Variants in RPL21 observed in about 807,000 individuals in gnomAD.
RPL21 encodes ribosomal protein L21, also known as large ribosomal subunit protein eL21.
In RPL21, 1 loss-of-function variant was observed where a neutral mutation model predicts 21.2. That is an observed-to-expected ratio of 0.05 (90% confidence interval 0.02 to 0.22). RPL21 has a LOEUF of 0.22. Among genes scored for constraint, RPL21 ranks in the 10% least tolerant of loss-of-function variants. The pLI is 1.00. For missense variants in RPL21, 113 were observed against 199.4 expected (o/e 0.57, Z 2.61); for synonymous variants, 52 against 62.9 (o/e 0.83, Z 0.82).
intron 5 of RPL21, 21 bp from the exon 6 acceptor site, chr13:27,256,415 C>T (rs1026780103): frequency 2.5e-6 from 4 of 1,577,192 alleles, no homozygotes; most frequent in Non-Finnish European, 3.5e-6. Flanking sequence ...TATTTTATTC[C>T]CTTTTTTTTT....
intron 1 of RPL21, among the ~76,000 whole-genome samples, chr13:27,253,196 A>G (rs1294099751): frequency 1.3e-5 from 2 of 152,180 alleles, no homozygotes; most frequent in Non-Finnish European, 2.9e-5. Flanking sequence ...GCCTATGTCA[A>G]ATTTAGGTCA....
intron 1 of RPL21, chr13:27,251,986 T>C (rs1312446987): frequency 6.6e-6 from 1 of 152,260 alleles, no homozygotes; most frequent in African/African-American, 2.4e-5. Context: ...CTCCTTTCAG[T>C]GTGGCTTTTT....
In RPL21 at chr13:27,251,593, C is replaced by G. The variant is rs1216493242; in HGVS notation, c.-13+8C>G. Reference sequence around the variant, plus strand: ...GGAACCGCCATCTTCCAGGTAGGGCCTACGCGTGGCTCCCGGGCGCTAGGT... The same window carrying G: ...GGAACCGCCATCTTCCAGGTAGGGCGTACGCGTGGCTCCCGGGCGCTAGGT... On this transcript the variant is annotated splice_region_variant and intron_variant, in intron 1 of 5. Coordinates refer to ENST00000311549, the MANE Select transcript of RPL21 (RefSeq NM_000982.4). 6.6e-6 allele frequency: 1 copy of G among 152,396 alleles called. No individual in the cohort carries two copies. The highest frequency in any genetic ancestry group is 2.4e-5 in the African/African-American group (1 of 41,492). 9.4% of individuals were successfully genotyped at this position (152,396 alleles called of 1,614,324 possible). A position where few individuals can be genotyped will look rare whatever the true frequency, so the allele number is the denominator to read the frequency against.
At chr13:27,255,876 A>G (rs61943975) in intron 4 of RPL21, 24,696 of 332,836 alleles carry the variant, frequency 0.074, 1,130 homozygotes, top group Admixed American at 0.13. Context: ...CTGGCCCAGC[A>G]GTTTTTATAG....
intron 2 of RPL21, 87 bp from the exon 3 acceptor site, chr13:27,254,131 GAT>G (rs1464634994): frequency 1.4e-5 from 12 of 847,594 alleles, no homozygotes; most frequent in African/African-American, 5.0e-5. Flanking sequence ...CATCAAAAAT[GAT>G]ATATGTGTTA....
chr13:27,254,758 TC>T (rs1252059404), intron 3 of RPL21, among the ~76,000 whole-genome samples: 2 of 152,216 alleles, frequency 1.3e-5, no homozygotes, highest in Non-Finnish European at 2.9e-5. Flanking sequence ...CCTCGGGTGA[TC>T]CGCCGGACTC....
chr13:27,252,064 C>T (rs945725012), intron 1 of RPL21, among the ~76,000 whole-genome samples: 9 of 151,992 alleles, frequency 5.9e-5, no homozygotes, highest in African/African-American at 1.9e-4. Context: ...TAAAGTCAGG[C>T]GTCGGCTTTA....
Position 27,255,079 on chromosome 13 carries a change from G to A in RPL21, c.130-163G>A, listed in dbSNP as rs542802391. The A allele has an allele frequency of 6.5e-6, 5 of 764,364 alleles. No homozygotes were observed. In the Admixed American group the frequency reaches 6.8e-5, roughly 10 times the overall value. The allele number at this position is 764,364 out of a possible 1,614,324, so 47.3% of individuals were successfully genotyped here. On this transcript the variant is annotated intron_variant, in intron 3 of 5. Coordinates refer to ENST00000311549, the MANE Select transcript of RPL21 (RefSeq NM_000982.4). ...TTGGCACTCGAGCTTAATGATGACT[G>A]TTTTTTTTGATTGCTTGAAGCAATG...
intron 3 of RPL21, 61 bp from the exon 4 acceptor site, chr13:27,255,181 T>A (rs756896520): frequency 2.5e-6 from 2 of 806,466 alleles, no homozygotes; most frequent in Non-Finnish European, 4.5e-6. Flanking sequence ...TTGCAGTTAC[T>A]TAAAGTCAGA....
chr13:27,256,090 A>G (rs1328391620), intron 4 of RPL21, 94 bp from the exon 5 acceptor site: 3 of 923,576 alleles, frequency 3.2e-6, no homozygotes, highest in Non-Finnish European at 5.2e-6. Flanking sequence ...TAAAAGGTTT[A>G]TGGTTTATTT....
Position 27,254,177 on chromosome 13 carries a change from A to G in RPL21, c.68-43A>G, listed in dbSNP as rs761261332. On this transcript the variant is annotated intron_variant, in intron 2 of 5. Transcript: ENST00000311549. ...TAAAATTGCATTTCTTTTACTCTAG[A>G]TTTTTAGCCTTAATACTCACTATAC... is the stretch of plus-strand genomic sequence containing the variant. 6 of 1,216,896 alleles carry G rather than the reference A, an allele frequency of 4.9e-6. No individual in the cohort carries two copies. In the Admixed American group the frequency reaches 1.0e-4, roughly 20 times the overall value. 75.4% of individuals were successfully genotyped at this position (1,216,896 alleles called of 1,614,324 possible).
At chr13:27,255,498 TTGTC>T (rs769904627) in intron 4 of RPL21, 144 bp downstream of exon 4, 36 of 764,950 alleles carry the variant, frequency 4.7e-5, no homozygotes, top group Non-Finnish European at 7.4e-5. Context: ...AACTGGGTGT[TTGTC>T]TGTATCCTGT....
intron 3 of RPL21, chr13:27,254,495 A>G: frequency 1.9e-6 from 1 of 525,316 alleles, no homozygotes; most frequent in Non-Finnish European, 3.4e-6. Flanking sequence ...CCCGGATTCA[A>G]GCAGTTCTCC....
chr13:27,256,400 ATAAT>A (rs1881902480), intron 5 of RPL21, 32 bp from the exon 6 acceptor site: 1 of 1,564,652 alleles, frequency 6.4e-7, no homozygotes, highest in South Asian at 1.1e-5. Flanking sequence ...AACACATCAC[ATAAT>A]TATTTTATTC....
intron 4 of RPL21, chr13:27,255,589 C>T (rs1406559895): frequency 4.5e-6 from 3 of 659,780 alleles, no homozygotes; most frequent in East Asian, 3.1e-5. Flanking sequence ...TGTTTTGTTT[C>T]GAGACGGAGT....
rs143708880 is a variant in RPL21 at position 27,255,432 on chromosome 13, T to C, written c.242+78T>C. Reference sequence around the variant, plus strand: ...CTTTTCACTTTGCCAGTTGGACTTATGTCTTTATTGGTCATTCAAGTGGGG... The same window carrying C: ...CTTTTCACTTTGCCAGTTGGACTTACGTCTTTATTGGTCATTCAAGTGGGG... On this transcript the variant is annotated intron_variant, in intron 4 of 5. Transcript: ENST00000311549. The C allele has an allele frequency of 3.3e-4, 261 of 784,092 alleles. 1 individual carries two copies. Among genetic ancestry groups the C allele is most frequent in the Admixed American group, 1.7e-3 (99 of 59,032 alleles). The allele number at this position is 784,092 out of a possible 1,614,324, so 48.6% of individuals were successfully genotyped here.
Position 27,256,541 on chromosome 13 carries a change from A to T in RPL21, c.*16A>T, listed in dbSNP as rs372164658. ...CATGGCATAATAGGTGTTAAAAAAAAAAATAAAGGACCTCTGGGCTACAAA... is the reference window on the plus strand; with the variant it reads ...CATGGCATAATAGGTGTTAAAAAAATAAATAAAGGACCTCTGGGCTACAAA... On this transcript the variant is annotated 3_prime_UTR_variant, in exon 6 of 6. Transcript: ENST00000311549. 1.9e-6 allele frequency: 2 copies of T among 1,039,426 alleles called. No homozygotes were observed. Among genetic ancestry groups the T allele is most frequent in the East Asian group, 2.4e-5 (1 of 42,210 alleles). 64.4% of individuals were successfully genotyped at this position (1,039,426 alleles called of 1,614,324 possible).
At chr13:27,253,330 C>T (rs1033510582) in intron 1 of RPL21, among the ~76,000 whole-genome samples, 1 of 152,172 alleles carries the variant, frequency 6.6e-6, no homozygotes, top group Non-Finnish European at 1.5e-5. Context: ...TACACCATCA[C>T]GGAAAATTTG....
At chr13:27,251,966 G>C (rs1372898005) in intron 1 of RPL21, 1 of 152,388 alleles carries the variant, frequency 6.6e-6, no homozygotes, top group African/African-American at 2.4e-5. Flanking sequence ...GTGGCCTGAT[G>C]CCTTTCTAAC....
Sources: allele counts gnomAD v4.1 joint callset (sites outside exome capture counted in the v4.1 genomes callset), GRCh38; gene constraint gnomAD v4.1.1; transcripts MANE v1.5; gene names NCBI Gene and HGNC (gene_info 2026-07-23, HGNC 2026-07-21).